The following FHOD3 variants were observed in gnomAD, a reference collection of about 807,000 sequenced individuals.
The protein encoded by FHOD3 is FH1/FH2 domain-containing protein 3.
FHOD3 carries 90 observed loss-of-function variants against 173.0 expected under a neutral mutation model. The observed-to-expected ratio is 0.52, with a 90% CI of 0.44 to 0.62. The LOEUF is 0.62. FHOD3 is among the 20% of genes least tolerant of loss of function. The probability of loss-of-function intolerance (pLI) is 0.00; values close to 1 mark genes in which losing one functional copy is unlikely to be tolerated. For missense variants in FHOD3, 1,945 were observed against 2,034.7 expected, an observed-to-expected ratio of 0.96 and a Z score of 0.85; for synonymous variants, 828 against 823.0, an observed-to-expected ratio of 1.01 and a Z score of -0.10.
At chr18:36,770,153 G>A (rs927402391) in intron 28 of FHOD3, among the ~76,000 whole-genome samples, 14 of 152,182 alleles carry the variant, frequency 9.2e-5, no homozygotes, top group Non-Finnish European at 1.5e-4. Flanking sequence ...ATGAGCTGTG[G>A]CCTTGAGTGT....
At chr18:36,472,739 C>T (rs916753338) in intron 3 of FHOD3, among the ~76,000 whole-genome samples, 7 of 152,178 alleles carry the variant, frequency 4.6e-5, no homozygotes, top group African/African-American at 1.7e-4. Context: ...TAACATGTAT[C>T]AATACTTCTT....
At chr18:36,451,268 A>G (rs1281101810) in intron 3 of FHOD3, among the ~76,000 whole-genome samples, 1 of 152,226 alleles carries the variant, frequency 6.6e-6, no homozygotes, top group African/African-American at 2.4e-5. Context: ...TGACAGATAC[A>G]GGAAAGACAG....
intron 3 of FHOD3, among the ~76,000 whole-genome samples, chr18:36,492,345 T>A (rs567390394): frequency 1.3e-5 from 2 of 152,140 alleles, no homozygotes; most frequent in African/African-American, 4.8e-5. Flanking sequence ...CCTTCTCACA[T>A]GACATTGCCA....
intron 20 of FHOD3, among the ~76,000 whole-genome samples, chr18:36,739,873 T>C (rs1286879362): frequency 6.6e-6 from 1 of 152,234 alleles, no homozygotes; most frequent in Admixed American, 6.5e-5. Flanking sequence ...TATAGTTTTT[T>C]ATGCAGACAA....
At chr18:36,617,601 G>GTA (rs1252849081) in intron 9 of FHOD3, among the ~76,000 whole-genome samples, 1 of 118,462 alleles carries the variant, frequency 8.4e-6, no homozygotes, top group Admixed American at 1.0e-4. Flanking sequence ...GTGTGTGTGT[G>GTA]TGTGTGTGTG....
intron 3 of FHOD3, among the ~76,000 whole-genome samples, chr18:36,490,713 C>G (rs1274557718): frequency 1.3e-5 from 2 of 152,162 alleles, no homozygotes; most frequent in African/African-American, 4.8e-5. Flanking sequence ...TGTAAGCTTC[C>G]TGAAAACTAG....
At chr18:36,756,247 A>C (rs1475998301) in intron 25 of FHOD3, among the ~76,000 whole-genome samples, 1 of 152,220 alleles carries the variant, frequency 6.6e-6, no homozygotes, top group Non-Finnish European at 1.5e-5. Flanking sequence ...TTTCTTGAAC[A>C]GACTCAACGA....
At chr18:36,468,994 C>G (rs1006217459) in intron 3 of FHOD3, among the ~76,000 whole-genome samples, 2 of 152,156 alleles carry the variant, frequency 1.3e-5, no homozygotes, top group African/African-American at 4.8e-5. Context: ...CAAGCAAACA[C>G]TTGTGTCAGT....
At chr18:36,619,415 C>G (rs557977961) in intron 9 of FHOD3, among the ~76,000 whole-genome samples, 1 of 152,330 alleles carries the variant, frequency 6.6e-6, no homozygotes, top group South Asian at 2.1e-4. Flanking sequence ...GTCTCCACCT[C>G]TGCAAACAGT....
At chr18:36,726,582 T>C (rs1009907768) in intron 19 of FHOD3, among the ~76,000 whole-genome samples, 2 of 152,230 alleles carry the variant, frequency 1.3e-5, no homozygotes, top group African/African-American at 2.4e-5. Context: ...CTTCCCATCA[T>C]TGACCAATTT....
intron 3 of FHOD3, among the ~76,000 whole-genome samples, chr18:36,478,846 C>G (rs1301366347): frequency 6.6e-6 from 1 of 152,224 alleles, no homozygotes; most frequent in Non-Finnish European, 1.5e-5. Flanking sequence ...CCTCCACCCC[C>G]TGACTCCTTC....
intron 7 of FHOD3, among the ~76,000 whole-genome samples, chr18:36,600,612 C>T (rs1233388960): frequency 2.0e-5 from 3 of 152,124 alleles, no homozygotes; most frequent in African/African-American, 2.4e-5. Context: ...GCTAAAAACA[C>T]GTTTTTCAGT....
At chr18:36,488,741 G>T (rs1568339041) in intron 3 of FHOD3, among the ~76,000 whole-genome samples, 2 of 152,152 alleles carry the variant, frequency 1.3e-5, no homozygotes, top group Non-Finnish European at 2.9e-5. Flanking sequence ...GAAAACTTAG[G>T]TGCAGAGAGG....
At chr18:36,429,748 G>A (rs1219703645) in intron 3 of FHOD3, among the ~76,000 whole-genome samples, 1 of 152,166 alleles carries the variant, frequency 6.6e-6, no homozygotes, top group Non-Finnish European at 1.5e-5. Context: ...AAGACATGAA[G>A]CACTTCTTTG....
intron 11 of FHOD3, 83 bp from the exon 12 acceptor site, chr18:36,652,487 C>T (rs2036125753): frequency 6.3e-6 from 9 of 1,433,000 alleles, no homozygotes; most frequent in South Asian, 1.4e-5. Context: ...TGGCTTTTTG[C>T]CTGTCTCTCT....
At chr18:36,628,644 A>G (rs1210310489) in intron 10 of FHOD3, among the ~76,000 whole-genome samples, 1 of 152,242 alleles carries the variant, frequency 6.6e-6, no homozygotes, top group African/African-American at 2.4e-5. Flanking sequence ...AAGCATCTTT[A>G]TGGGACCATG....
At chr18:36,340,903 C>T (rs896896754) in intron 1 of FHOD3, among the ~76,000 whole-genome samples, 2 of 152,142 alleles carry the variant, frequency 1.3e-5, no homozygotes, top group Non-Finnish European at 2.9e-5. Flanking sequence ...TCCCAAAGTG[C>T]TGGGATTACA....
chr18:36,606,888 A>C (rs188667766), intron 8 of FHOD3, among the ~76,000 whole-genome samples: 7 of 152,352 alleles, frequency 4.6e-5, no homozygotes, highest in Admixed American at 1.3e-4. Context: ...TTAAGACACC[A>C]GAATAATCTA....
intron 3 of FHOD3, among the ~76,000 whole-genome samples, chr18:36,471,353 G>A (rs2053274350): frequency 6.6e-6 from 1 of 152,176 alleles, no homozygotes; most frequent in Admixed American, 6.5e-5. Context: ...TTTACTGTCT[G>A]CTTTCTCAAG....
Sources: gnomAD v4.1 joint callset for allele counts (sites outside exome capture counted in the v4.1 genomes callset) on GRCh38, gnomAD v4.1.1 for gene constraint, MANE v1.5 for transcripts, NCBI Gene and HGNC (gene_info 2026-07-23, HGNC 2026-07-21) for gene names.